Variants in TDRD12 observed in about 807,000 individuals in gnomAD.
TDRD12 encodes the protein putative ATP-dependent RNA helicase TDRD12.
TDRD12 carries 158 observed loss-of-function variants against 133.5 expected under a neutral mutation model. That is an observed-to-expected ratio of 1.18 (90% CI 1.04 to 1.35). TDRD12 has a LOEUF of 1.35. Ranked by LOEUF, TDRD12 falls within the 40% of genes most tolerant of loss-of-function variation. The pLI is 0.00. For synonymous variants in TDRD12, 460 were observed against 477.9 expected (o/e 0.96, Z 0.49); for missense variants, 1,443 against 1,321.3 (o/e 1.09, Z -1.43).
chr19:32,759,992 G>T (rs905559652), intron 8 of TDRD12, among the ~76,000 whole-genome samples: 1 of 152,234 alleles, frequency 6.6e-6, no homozygotes, highest in South Asian at 2.1e-4. Context: ...CTTGTAGGGG[G>T]TCCCCAGGTG....
intron 27 of TDRD12, 152 bp from the exon 28 acceptor site, chr19:32,820,881 G>A (rs938510218): frequency 4.9e-6 from 3 of 609,822 alleles, no homozygotes; most frequent in Non-Finnish European, 8.7e-6. Flanking sequence ...CAGAGTTGAT[G>A]GGCTGCCTGG....
At position 32,788,748 on chromosome 19, in the gene TDRD12, G is replaced by A. The variant is rs867638187; in HGVS notation, c.1122-1783G>A. Among the ~76,000 whole-genome samples the A allele has an allele frequency of 9.9e-5, 15 of 152,152 alleles. 1 individual carries two copies. Among genetic ancestry groups the A allele is most frequent in the Admixed American group, 8.5e-4 (13 of 15,276 alleles). On this transcript the variant is annotated intron_variant, in intron 11 of 27. Transcript: ENST00000444215. ...TTTCAACGTAGAGGCCCAGTGAGCC[G>A]GTGAGGGTCTCTGAGTGTGCCAAGC...
chr19:32,757,467 A>G (rs1336452482), intron 8 of TDRD12, among the ~76,000 whole-genome samples: 1 of 152,226 alleles, frequency 6.6e-6, no homozygotes, highest in Non-Finnish European at 1.5e-5. Flanking sequence ...ATGCATAAAA[A>G]TAGGGAAGAC....
exon 26 of TDRD12, chr19:32,815,463 C>T (rs781673507): frequency 1.4e-5 from 22 of 1,535,608 alleles, no homozygotes; most frequent in East Asian, 4.9e-5. Flanking sequence ...CATTACAAAC[C>T]TTTCCAGTTT....
At chr19:32,821,403 T>C (rs1161243314), downstream of TDRD12, 3 of 172,526 alleles carry the variant, frequency 1.7e-5, no homozygotes, top group African/African-American at 9.8e-5. Context: ...TGTGTGTGTG[T>C]GTGTGTGCGT....
chr19:32,789,020 T>C (rs1970990645), intron 11 of TDRD12, among the ~76,000 whole-genome samples: 1 of 152,218 alleles, frequency 6.6e-6, no homozygotes, highest in South Asian at 2.1e-4. Context: ...CTGAGAGTTC[T>C]GCTTTATCCT....
intron 3 of TDRD12, among the ~76,000 whole-genome samples, chr19:32,740,440 ACTCTCTGCATCTCCTG>A (rs1969386447): frequency 1.5e-5 from 1 of 68,850 alleles, no homozygotes; most frequent in African/African-American, 6.0e-5. Context: ...TCTCCTGGGT[ACTCTCTGCATCTCCTG>A]GGTACTCTGC....
At chr19:32,743,424 CT>C (rs927513984) in intron 4 of TDRD12, among the ~76,000 whole-genome samples, 4 of 141,060 alleles carry the variant, frequency 2.8e-5, no homozygotes, top group African/African-American at 7.7e-5. Context: ...TTCTTGCTTT[CT>C]TTTTTTGAGA....
chr19:32,824,142 A>G (rs1292414751), downstream of TDRD12: 1 of 152,544 alleles, frequency 6.6e-6, no homozygotes, highest in African/African-American at 2.4e-5. Context: ...AACGTCATGC[A>G]CTTTCTTCAT....
intron 1 of TDRD12, among the ~76,000 whole-genome samples, chr19:32,730,012 G>A (rs1335469166): frequency 3.3e-5 from 5 of 151,722 alleles, no homozygotes; most frequent in South Asian, 4.2e-4. Context: ...GGATGGTCTC[G>A]ATCTCCTGAC....
At chr19:32,813,536 C>T (rs373667361) in intron 24 of TDRD12, 148 bp from the exon 25 acceptor site, 122 of 570,932 alleles carry the variant, frequency 2.1e-4, no homozygotes, top group East Asian at 1.1e-3. Flanking sequence ...GCCTTGTGGA[C>T]GAGAGGGGGT....
intron 1 of TDRD12, among the ~76,000 whole-genome samples, chr19:32,724,875 C>G (rs1240329686): frequency 1.3e-5 from 2 of 152,198 alleles, no homozygotes; most frequent in African/African-American, 2.4e-5. Flanking sequence ...TGCCAGCCAT[C>G]TGTTGTTTCT....
In TDRD12 at chr19:32,826,508, T is replaced by TGA; in HGVS notation, c.960_961dup (p.Asp321GlufsTer6). The TGA allele has an allele frequency of 8.0e-7, 1 of 1,253,778 alleles. No individual in the cohort carries two copies. Among genetic ancestry groups the TGA allele is most frequent in the Non-Finnish European group, 1.0e-6 (1 of 1,000,556 alleles). 77.7% of individuals were successfully genotyped at this position (1,253,778 alleles called of 1,614,324 possible). A position where few individuals can be genotyped will look rare whatever the true frequency, so the allele number is the denominator to read the frequency against. ...AGCTGCGGGGCAACATAAGGAAAGA[T>TGA]GACTGCCAATGTGTGATTAGAAACG... is the stretch of plus-strand genomic sequence containing the variant. On this transcript the variant is annotated frameshift_variant, in exon 9 of 10. Coordinates refer to the TDRD12 transcript ENST00000637289. LOFTEE classifies it high-confidence loss of function.
Position 32,807,708 on chromosome 19 carries a change from T to G in TDRD12, c.2652+60T>G, listed in dbSNP as rs375641080. The G allele has an allele frequency of 4.4e-5, 55 of 1,255,230 alleles. No homozygotes were observed. In the South Asian group the frequency reaches 5.0e-4, roughly 11 times the overall value. 77.8% of individuals were successfully genotyped at this position (1,255,230 alleles called of 1,614,324 possible). A position where few individuals can be genotyped will look rare whatever the true frequency, so the allele number is the denominator to read the frequency against. On this transcript the variant is annotated intron_variant, in intron 22 of 27. Transcript: ENST00000444215. ...GAATGGTCATGTTAATAAACGTGTTTTATTTGTTAAGCAGGATCTTAGTAG... is the reference window on the plus strand; with the variant it reads ...GAATGGTCATGTTAATAAACGTGTTGTATTTGTTAAGCAGGATCTTAGTAG...
At chr19:32,796,620 C>T (rs8110217) in intron 14 of TDRD12, among the ~76,000 whole-genome samples, 89,392 of 151,794 alleles carry the variant, frequency 0.59, 27,183 homozygotes, top group East Asian at 0.83. Context: ...TTATTAGCAG[C>T]TGATTTAGTC....
At chr19:32,721,600 G>A (rs1166537196) in intron 1 of TDRD12, among the ~76,000 whole-genome samples, 1 of 151,852 alleles carries the variant, frequency 6.6e-6, no homozygotes, top group African/African-American at 2.4e-5. Context: ...GGCTGTTCTC[G>A]AACTCCTGAC....
chr19:32,780,325 A>G (rs1019036452), intron 11 of TDRD12, among the ~76,000 whole-genome samples: 1 of 152,144 alleles, frequency 6.6e-6, no homozygotes, highest in Non-Finnish European at 1.5e-5. Context: ...ACCTCAGGTG[A>G]TCTGCCTGCC....
intron 1 of TDRD12, among the ~76,000 whole-genome samples, chr19:32,724,382 C>T (rs1168720644): frequency 6.6e-6 from 1 of 152,082 alleles, no homozygotes; most frequent in Non-Finnish European, 1.5e-5. Context: ...CTCTCCCTCC[C>T]CTCTGTCCCA....
exon 4 of TDRD12, chr19:32,742,786 G>C: frequency 6.4e-7 from 1 of 1,551,124 alleles, no homozygotes; most frequent in Non-Finnish European, 8.7e-7. Context: ...TTTAGCATCC[G>C]AGTTGTAGTA....
Sources: allele counts gnomAD v4.1 joint callset (sites outside exome capture counted in the v4.1 genomes callset), GRCh38; gene constraint gnomAD v4.1.1; transcripts MANE v1.5; gene names NCBI Gene and HGNC (gene_info 2026-07-23, HGNC 2026-07-21).